The following LRRC70 variants were observed in gnomAD, a reference collection of about 807,000 sequenced individuals.
The protein encoded by LRRC70 is leucine-rich repeat-containing protein 70.
Under a neutral mutation model 42.4 loss-of-function variants are expected in LRRC70, and 31 were observed. That is an observed-to-expected ratio of 0.73 (90% CI 0.55 to 0.99). The LOEUF (loss-of-function observed/expected upper bound fraction) is 0.99. Among genes scored for constraint, LRRC70 ranks in the 50% least tolerant of loss-of-function variants. The pLI, the probability that LRRC70 is intolerant of heterozygous loss-of-function variation, is 0.00. For missense variants in LRRC70, 643 were observed against 707.5 expected (o/e 0.91, Z 1.03); for synonymous variants, 270 against 262.9 (o/e 1.03, Z -0.26).
In LRRC70 at chr5:62,581,165, C is replaced by T; in HGVS notation, c.1727C>T (p.Ala576Val). The change falls in exon 2 of 2, where the codon GCA becomes GTA. Residue 576 changes from alanine to valine, a missense_variant. By Grantham distance (64) the Ala-to-Val change is moderately conservative. Coordinates refer to ENST00000334994, the MANE Select transcript of LRRC70 (RefSeq NM_181506.5). ...RLEYYSFYQS[A>V]RYNVTASICN... ...GAATACTACAGCTTTTATCAGTCAG[C>T]AAGGTATAATGTAACTGCCTCAATT... is the stretch of plus-strand genomic sequence containing the variant. 1 of 1,551,116 alleles carries T rather than the reference C, an allele frequency of 6.4e-7. No homozygotes were observed. The highest frequency in any genetic ancestry group is 8.7e-7 in the Non-Finnish European group (1 of 1,146,738).
chr5:62,580,491 G>A lies in LRRC70; in HGVS notation c.1053G>A (p.Leu351=). 1 of 1,551,378 alleles carries A rather than the reference G, an allele frequency of 6.4e-7. No individual in the cohort carries two copies. Among genetic ancestry groups the A allele is most frequent in the Non-Finnish European group, 8.7e-7 (1 of 1,146,808 alleles). ...GGGTCCTTAAGCCGTTGTCTTCATT[G>A]ATTCATCTTCAGGCAAATTCTAATC... ...HPRVLKPLSS[L]IHLQANSNPW... is the part of the protein sequence containing the mutation. The change falls in exon 2 of 2, where the codon TTG becomes TTA. Residue 351 remains leucine (L), a synonymous_variant. Transcript: ENST00000334994.
Position 62,580,428 on chromosome 5 carries a change from TA to T in LRRC70, c.992del (p.Asn331IlefsTer21). ...ENMGASLKIL[N>X]LSFNNLTALH... The stretch of plus-strand genomic sequence containing the variant: ...ATATGGGAGCATCTTTGAAGATCCT[TA>T]ATCTGTCATTTAATAATCTTACAGC... On this transcript the variant is annotated frameshift_variant, in exon 2 of 2. Transcript: ENST00000334994. LOFTEE classifies it high-confidence loss of function. 1.9e-6 allele frequency: 3 copies of T among 1,551,396 alleles called. No individual in the cohort carries two copies. Among genetic ancestry groups the T allele is most frequent in the Non-Finnish European group, 2.6e-6 (3 of 1,146,790 alleles).
In LRRC70 at chr5:62,578,864, C is replaced by T. The variant is rs556462777; in HGVS notation, c.-110C>T. On this transcript the variant is annotated 5_prime_UTR_variant, in exon 1 of 2. Coordinates refer to ENST00000334994, the MANE Select transcript of LRRC70 (RefSeq NM_181506.5). ...AGAACAAACTGGAGTTAAGAAATGT[C>T]GTTCTTCAGATTTAAAAAGAAAACC... 4.6e-5 allele frequency: 14 copies of T among 306,434 alleles called. No homozygotes were observed. The highest frequency in any genetic ancestry group is 9.9e-5 in the East Asian group (1 of 10,108). 19.0% of individuals were successfully genotyped at this position (306,434 alleles called of 1,614,324 possible). A position where few individuals can be genotyped will look rare whatever the true frequency, so the allele number is the denominator to read the frequency against.
Position 62,580,796 on chromosome 5 carries a change from C to T in LRRC70, c.1358C>T (p.Thr453Ile). ...GAAAATACTGAGACTGAGAACATTA[C>T]TTTCTGGGAACGAATTCCTACTTCA... ...PLENTETENI[T>I]FWERIPTSPA... Residue 453 changes from threonine (T) to isoleucine (I), a missense_variant, in exon 2 of 2, where the codon ACT becomes ATT. Transcript: ENST00000334994. 1 of 1,551,410 alleles carries T rather than the reference C, an allele frequency of 6.4e-7. No homozygotes were observed. Among genetic ancestry groups the T allele is most frequent in the Non-Finnish European group, 8.7e-7 (1 of 1,146,864 alleles).
At position 62,580,633 on chromosome 5, in the gene LRRC70, A is replaced by G; in HGVS notation, c.1195A>G (p.Ile399Val). 3 of 1,551,502 alleles carry G rather than the reference A, an allele frequency of 1.9e-6. No homozygotes were observed. Among genetic ancestry groups the G allele is most frequent in the East Asian group, 2.4e-5 (1 of 40,908 alleles). The change falls in exon 2 of 2, where the codon ATT becomes GTT. Residue 399 changes from isoleucine (I) to valine (V), a missense_variant. Ile to Val is a conservative substitution (Grantham distance 29). Coordinates refer to ENST00000334994, the MANE Select transcript of LRRC70 (RefSeq NM_181506.5). ...PSMRGRALRYINITNCVTSSI... is the reference protein window; with the variant it reads ...PSMRGRALRYVNITNCVTSSI... ...CATGCGTGGCAGAGCATTACGTTAT[A>G]TTAACATTACAAATTGTGTTACATC...
Position 62,578,914 on chromosome 5 carries a change from T to C in LRRC70, c.-60T>C, listed in dbSNP as rs1744429017. 1 of 251,338 alleles carries C rather than the reference T, an allele frequency of 4.0e-6. No individual in the cohort carries two copies. The highest frequency in any genetic ancestry group is 4.2e-5 in the South Asian group (1 of 23,758). 15.6% of individuals were successfully genotyped at this position (251,338 alleles called of 1,614,324 possible). A position where few individuals can be genotyped will look rare whatever the true frequency, so the allele number is the denominator to read the frequency against. ...CTTTACTGAATCAGCTGAGTGTTAA[T>C]AATACGAATTTCCTTTTCTTGGTAA... On this transcript the variant is annotated 5_prime_UTR_variant, in exon 1 of 2. Transcript: ENST00000334994.
Position 62,580,632 on chromosome 5 carries a change from T to C in LRRC70, c.1194T>C (p.Tyr398=). The part of the protein sequence containing the change: ...PPSMRGRALR[Y]INITNCVTSS... ...CCATGCGTGGCAGAGCATTACGTTATATTAACATTACAAATTGTGTTACAT... is the reference window on the plus strand; with the variant it reads ...CCATGCGTGGCAGAGCATTACGTTACATTAACATTACAAATTGTGTTACAT... The change falls in exon 2 of 2, where the codon TAT becomes TAC. Residue 398 remains tyrosine (Y), a synonymous_variant. Transcript: ENST00000334994. 1 of 1,551,508 alleles carries C rather than the reference T, an allele frequency of 6.4e-7. No homozygotes were observed. Among genetic ancestry groups the C allele is most frequent in the East Asian group, 2.4e-5 (1 of 40,910 alleles).
rs1272011789 is a variant in LRRC70 at position 62,579,985 on chromosome 5, C to T, written c.547C>T (p.Arg183Trp). 36 of 1,551,160 alleles carry T rather than the reference C, an allele frequency of 2.3e-5. No homozygotes were observed. The highest frequency in any genetic ancestry group is 1.7e-4 in the Middle Eastern group (1 of 5,990). Residue 183 changes from arginine (R) to tryptophan (W), a missense_variant, in exon 2 of 2, where the codon CGG (arginine) becomes TGG (tryptophan). Arg to Trp is a moderately radical substitution (Grantham distance 101). Transcript: ENST00000334994. Reference sequence around the variant, plus strand: ...TACCTTTGTTGGTATGGTTGCTCTTCGGATACTTGATTTATCAAACAATAA... The same window carrying T: ...TACCTTTGTTGGTATGGTTGCTCTTTGGATACTTGATTTATCAAACAATAA... Reference protein sequence around the residue: ...SGTFVGMVALRILDLSNNNIL... With the variant: ...SGTFVGMVALWILDLSNNNIL...
At chr5:62,579,364 T>C (rs1744451411) in intron 1 of LRRC70, 37 bp from the exon 2 acceptor site, 2 of 1,368,544 alleles carry the variant, frequency 1.5e-6, no homozygotes, top group Admixed American at 2.0e-5. Flanking sequence ...TTTGATGAAG[T>C]TTTCGTGATT....
chr5:62,579,369 G>T (rs372935721), intron 1 of LRRC70, 32 bp from the exon 2 acceptor site: 28 of 1,412,328 alleles, frequency 2.0e-5, no homozygotes, highest in East Asian at 2.5e-5. Flanking sequence ...TGAAGTTTTC[G>T]TGATTTAAAG....
Position 62,580,388 on chromosome 5 carries a change from A to G in LRRC70, c.950A>G (p.Asn317Ser). 5 of 1,549,916 alleles carry G rather than the reference A, an allele frequency of 3.2e-6. No homozygotes were observed. Among genetic ancestry groups the G allele is most frequent in the East Asian group, 2.4e-5 (1 of 40,898 alleles). The change falls in exon 2 of 2, where the codon AAT becomes AGT. Residue 317 changes from asparagine (N) to serine (S), a missense_variant. Coordinates refer to ENST00000334994, the MANE Select transcript of LRRC70 (RefSeq NM_181506.5). Reference sequence around the variant, plus strand: ...AGAAACAGAATAATTAGCATTGATAATGATACATTTGAAAATATGGGAGCA... The same window carrying G: ...AGAAACAGAATAATTAGCATTGATAGTGATACATTTGAAAATATGGGAGCA... Reference protein sequence around the residue: ...LDRNRIISIDNDTFENMGASL... With the variant: ...LDRNRIISIDSDTFENMGASL...
At position 62,580,522 on chromosome 5, in the gene LRRC70, G is replaced by T. The variant is rs1210880179; in HGVS notation, c.1084G>T (p.Glu362Ter). Residue 362 changes from glutamate (E) to a stop codon, truncating the protein, a stop_gained, in exon 2 of 2, where the codon GAA becomes TAA. Coordinates refer to ENST00000334994, the MANE Select transcript of LRRC70 (RefSeq NM_181506.5). LOFTEE classifies it high-confidence loss of function. ...IHLQANSNPW[E>*]CNCKLLGLRD... ...TCTTCAGGCAAATTCTAATCCTTGG[G>T]AATGTAACTGCAAACTTTTGGGCCT... is the stretch of plus-strand genomic sequence containing the variant. The T allele has an allele frequency of 1.9e-6, 3 of 1,551,264 alleles. No individual in the cohort carries two copies. Among genetic ancestry groups the T allele is most frequent in the Non-Finnish European group, 1.7e-6 (2 of 1,146,828 alleles).
chr5:62,579,652 A>G lies in LRRC70; in HGVS notation c.214A>G (p.Ile72Val). Residue 72 changes from isoleucine to valine, a missense_variant, in exon 2 of 2, where the codon ATA (isoleucine) becomes GTA (valine). Ile to Val is a conservative substitution (Grantham distance 29). Transcript: ENST00000334994. ...TVFLYLTGNN[I>V]SYINESELTG... ...TTTTCTGTATCTGACTGGGAATAAT[A>G]TATCTTATATAAATGAAAGTGAATT... The G allele has an allele frequency of 1.3e-6, 2 of 1,546,500 alleles. No homozygotes were observed. Among genetic ancestry groups the G allele is most frequent in the Non-Finnish European group, 1.7e-6 (2 of 1,144,480 alleles).
rs1362849294 is a variant in LRRC70, at chr5:62,580,226, G to C, written c.788G>C (p.Arg263Thr). 4 of 1,550,448 alleles carry C rather than the reference G, an allele frequency of 2.6e-6. No homozygotes were observed. Among genetic ancestry groups the C allele is most frequent in the African/African-American group, 2.7e-5 (2 of 73,064 alleles). Residue 263 changes from arginine (R) to threonine (T), a missense_variant, in exon 2 of 2, where the codon AGA becomes ACA. By Grantham distance (71) the Arg-to-Thr change is moderately conservative. Transcript: ENST00000334994. ...NLEYLLLKNS[R>T]IRNVTRDGFS... is the part of the protein sequence containing the mutation. ...GAATACCTCCTCCTGAAAAATTCAA[G>C]AATTAGGAATGTTACTAGGGATGGG... is the stretch of plus-strand genomic sequence containing the variant.
Position 62,579,745 on chromosome 5 carries a change from G to T in LRRC70, c.307G>T (p.Ala103Ser), listed in dbSNP as rs1744471024. 3 of 1,547,306 alleles carry T rather than the reference G, an allele frequency of 1.9e-6. No homozygotes were observed. The highest frequency in any genetic ancestry group is 2.6e-6 in the Non-Finnish European group (3 of 1,144,722). Residue 103 changes from alanine (A) to serine (S), a missense_variant, in exon 2 of 2, where the codon GCC becomes TCC. Coordinates refer to ENST00000334994, the MANE Select transcript of LRRC70 (RefSeq NM_181506.5). ...TAACATTCTGTATGTATATCCAAAA[G>T]CCTTTGTTCAATTGAGGCATCTATA... Reference protein sequence around the residue: ...NSNILYVYPKAFVQLRHLYFL... With the variant: ...NSNILYVYPKSFVQLRHLYFL...
At position 62,579,682 on chromosome 5, in the gene LRRC70, G is replaced by A; in HGVS notation, c.244G>A (p.Gly82Arg). 1 of 1,547,060 alleles carries A rather than the reference G, an allele frequency of 6.5e-7. No individual in the cohort carries two copies. The highest frequency in any genetic ancestry group is 1.2e-5 in the South Asian group (1 of 83,304). ...TTATATAAATGAAAGTGAATTAACA[G>A]GACTTCATTCTCTTGTAGCATTGTA... is the stretch of plus-strand genomic sequence containing the variant. ...ISYINESELT[G>R]LHSLVALYLD... Residue 82 changes from glycine to arginine, a missense_variant, in exon 2 of 2, where the codon GGA (glycine) becomes AGA (arginine). Transcript: ENST00000334994.
At position 62,580,015 on chromosome 5, in the gene LRRC70, T is replaced by C; in HGVS notation, c.577T>C (p.Leu193=). 6.4e-7 allele frequency: 1 copy of C among 1,551,294 alleles called. No individual in the cohort carries two copies. ...ACTTGATTTATCAAACAATAACATT[T>C]TGAGGATATCAGAATCAGGCTTTCA... ...RILDLSNNNI[L]RISESGFQHL... The change falls in exon 2 of 2, where the codon TTG becomes CTG. Residue 193 remains leucine, a synonymous_variant. Coordinates refer to ENST00000334994, the MANE Select transcript of LRRC70 (RefSeq NM_181506.5).
rs1051602616 is a variant in LRRC70, at chr5:62,580,560, A to G, written c.1122A>G (p.Leu374=). ...NCKLLGLRDW[L]ASSAITLNIY... ...AACTTTTGGGCCTTCGAGACTGGCT[A>G]GCATCTTCAGCCATTACTCTAAACA... Residue 374 remains leucine, a synonymous_variant, in exon 2 of 2, where the codon CTA becomes CTG. Coordinates refer to ENST00000334994, the MANE Select transcript of LRRC70 (RefSeq NM_181506.5). The G allele has an allele frequency of 2.6e-6, 4 of 1,551,332 alleles. No homozygotes were observed. The highest frequency in any genetic ancestry group is 2.7e-5 in the African/African-American group (2 of 73,014).
At position 62,580,956 on chromosome 5, in the gene LRRC70, T is replaced by C. The variant is rs73760838; in HGVS notation, c.1518T>C (p.Ala506=). 6,131 of 1,551,222 alleles carry C rather than the reference T, an allele frequency of 4.0e-3. 226 individuals are homozygous for C. The African/African-American group carries it at 0.073, about 19-fold the overall frequency. The change falls in exon 2 of 2, where the codon GCT becomes GCC. Residue 506 remains alanine (A), a synonymous_variant. Transcript: ENST00000334994. ...LEKNSALPND[A]ASMSGKTSLI... ...AAAACAGTGCTCTACCGAATGATGC[T>C]GCTTCAATGTCAGGGAAAACATCTC... is the stretch of plus-strand genomic sequence containing the variant.
Sources: allele counts gnomAD v4.1 joint callset, GRCh38; gene constraint gnomAD v4.1.1; transcripts MANE v1.5; gene names NCBI Gene and HGNC (gene_info 2026-07-23, HGNC 2026-07-21).